TRAPPC9: variants seen among roughly 807,000 people sequenced by gnomAD.
TRAPPC9 encodes the protein trafficking protein particle complex subunit 9.
In TRAPPC9, 83 loss-of-function variants were observed where a neutral mutation model predicts 124.0. The ratio of observed to expected loss-of-function variants is 0.67; its 90% confidence interval spans 0.56 to 0.80. The LOEUF is 0.80. Ranked by LOEUF, TRAPPC9 falls within the 30% of genes least tolerant of loss-of-function variation. The pLI is 0.00. For missense variants in TRAPPC9, 1,302 were observed against 1,508.3 expected, an observed-to-expected ratio of 0.86 and a Z score of 2.27; for synonymous variants, 638 against 617.5, an observed-to-expected ratio of 1.03 and a Z score of -0.49.
intron 19 of TRAPPC9, among the ~76,000 whole-genome samples, chr8:139,916,051 G>A (rs1832108887): frequency 6.6e-6 from 1 of 152,174 alleles, no homozygotes; most frequent in Non-Finnish European, 1.5e-5. Context: ...CAGGACTTCA[G>A]GGGAGCTTAT....
chr8:140,410,247 T>C (rs1028971416), intron 5 of TRAPPC9, among the ~76,000 whole-genome samples: 7 of 151,926 alleles, frequency 4.6e-5, no homozygotes, highest in African/African-American at 1.4e-4. Context: ...ACATTTTATA[T>C]AGATTTGACC....
intron 21 of TRAPPC9, among the ~76,000 whole-genome samples, chr8:139,817,343 C>T (rs1243269682): frequency 6.6e-6 from 1 of 152,190 alleles, no homozygotes; most frequent in Non-Finnish European, 1.5e-5. Flanking sequence ...TTTTTGAGGA[C>T]AGAATCTTAG....
chr8:140,156,482 ATTTT>A (rs1213529426), intron 17 of TRAPPC9, among the ~76,000 whole-genome samples: 1 of 152,232 alleles, frequency 6.6e-6, no homozygotes, highest in Admixed American at 6.5e-5. Flanking sequence ...CTAACAAATT[ATTTT>A]TTAATTACAT....
At chr8:139,921,305 G>A (rs1381549303) in intron 19 of TRAPPC9, among the ~76,000 whole-genome samples, 1 of 152,226 alleles carries the variant, frequency 6.6e-6, no homozygotes, top group African/African-American at 2.4e-5. Context: ...AATCACACTG[G>A]GTTTGGTTCA....
chr8:140,407,095 G>A (rs569659473), intron 5 of TRAPPC9, among the ~76,000 whole-genome samples: 12 of 152,160 alleles, frequency 7.9e-5, no homozygotes, highest in Non-Finnish European at 1.6e-4. Context: ...ACATCCACAC[G>A]TGTCATCATC....
intron 21 of TRAPPC9, among the ~76,000 whole-genome samples, chr8:139,792,262 C>T (rs1157343256): frequency 6.6e-6 from 1 of 152,076 alleles, no homozygotes; most frequent in Non-Finnish European, 1.5e-5. Flanking sequence ...GGGACCTCTC[C>T]ATCTCAGGAG....
intron 21 of TRAPPC9, among the ~76,000 whole-genome samples, chr8:139,735,980 G>A (rs894300537): frequency 5.3e-5 from 8 of 152,360 alleles, no homozygotes; most frequent in African/African-American, 1.9e-4. Context: ...CGGAGCAGGA[G>A]GCCAGGCTGC....
intron 19 of TRAPPC9, among the ~76,000 whole-genome samples, chr8:139,920,594 C>T (rs1362448387): frequency 6.6e-6 from 1 of 152,228 alleles, no homozygotes; most frequent in Non-Finnish European, 1.5e-5. Context: ...CAACAGGGCT[C>T]ACTCCCTCCT....
At chr8:139,784,305 G>A (rs544512077) in intron 21 of TRAPPC9, among the ~76,000 whole-genome samples, 1 of 152,236 alleles carries the variant, frequency 6.6e-6, no homozygotes, top group Non-Finnish European at 1.5e-5. Context: ...CCAGCGCAGT[G>A]GCTCACGCCT....
At chr8:140,376,733 G>A (rs1371410973) in intron 7 of TRAPPC9, among the ~76,000 whole-genome samples, 4 of 151,250 alleles carry the variant, frequency 2.6e-5, no homozygotes, top group Admixed American at 6.6e-5. Context: ...AAAATTAGCC[G>A]GGCGTGATGG....
intron 20 of TRAPPC9, chr8:139,908,569 C>T (rs1831508632): frequency 6.6e-6 from 1 of 152,300 alleles, no homozygotes; most frequent in South Asian, 2.1e-4. Context: ...GGAGCCTTCT[C>T]CTTTGAAGCC....
At position 140,144,464 on chromosome 8, in the gene TRAPPC9, T is replaced by TTTCA. The variant is rs67174670; in HGVS notation, c.2556+76991_2556+76994dup. Among the ~76,000 whole-genome samples the TTTCA allele has an allele frequency of 3.8e-3, 565 of 150,506 alleles. 2 individuals carry two copies. Among genetic ancestry groups the TTTCA allele is most frequent in the South Asian group, 0.013 (62 of 4,718 alleles). On this transcript the variant is annotated intron_variant, in intron 17 of 22. Transcript: ENST00000438773. ...GGCTAATGAATGAGACTATTTTTCT[T>TTTCA]TTCATTCATTCATTCATTCATTCAT...
intron 17 of TRAPPC9, among the ~76,000 whole-genome samples, chr8:140,070,109 T>C (rs1456665133): frequency 6.6e-6 from 1 of 152,232 alleles, no homozygotes; most frequent in Non-Finnish European, 1.5e-5. Flanking sequence ...GGCAACGCGT[T>C]ACCAGTTCTC....
chr8:140,451,992 G>C (rs566817338), intron 1 of TRAPPC9, among the ~76,000 whole-genome samples: 201 of 152,046 alleles, frequency 1.3e-3, no homozygotes, highest in Middle Eastern at 6.8e-3. Context: ...GTGGTGGCAC[G>C]TGCCTGTAAT....
At chr8:139,938,937 G>A (rs1020408058) in intron 19 of TRAPPC9, among the ~76,000 whole-genome samples, 10 of 152,330 alleles carry the variant, frequency 6.6e-5, no homozygotes, top group South Asian at 4.1e-4. Flanking sequence ...GAGCCACCGC[G>A]CCCGGCCCCG....
chr8:140,119,758 C>T (rs901635903), intron 17 of TRAPPC9, among the ~76,000 whole-genome samples: 3 of 152,208 alleles, frequency 2.0e-5, no homozygotes, highest in Non-Finnish European at 4.4e-5. Flanking sequence ...CCAAATTATT[C>T]TACCTCATAC....
chr8:139,729,199 A>G lies in TRAPPC9; in HGVS notation c.*1862T>C, dbSNP rs1817687442. Among the ~76,000 whole-genome samples, 1 of 152,220 alleles carries G rather than the reference A, an allele frequency of 6.6e-6. No individual in the cohort carries two copies. The highest frequency in any genetic ancestry group is 1.5e-5 in the Non-Finnish European group (1 of 68,036). On this transcript the variant is annotated 3_prime_UTR_variant, in exon 23 of 23. Coordinates refer to ENST00000438773, the MANE Select transcript of TRAPPC9 (RefSeq NM_001160372.4). ...TGTGTATCCTTTCTACCTTTTAAACATGTTGTTATAGACACGTTCTGAGGC... is the reference window on the plus strand; with the variant it reads ...TGTGTATCCTTTCTACCTTTTAAACGTGTTGTTATAGACACGTTCTGAGGC...
rs2062893332 is a variant in TRAPPC9, at chr8:140,205,242, AG to A, written c.2556+16216del. ...TTCACAAGATACAAAGATTACCAAAAGCATGGATAAGTCATTTGACAAAGCA... is the reference window on the plus strand; with the variant it reads ...TTCACAAGATACAAAGATTACCAAAACATGGATAAGTCATTTGACAAAGCA... On this transcript the variant is annotated intron_variant, in intron 17 of 22. Transcript: ENST00000438773. Among the ~76,000 whole-genome samples, 4 of 152,388 alleles carry A rather than the reference AG, an allele frequency of 2.6e-5. No homozygotes were observed. The South Asian group carries it at 8.3e-4, about 32-fold the overall frequency.
At chr8:140,361,706 T>C (rs1047652842) in intron 8 of TRAPPC9, among the ~76,000 whole-genome samples, 1 of 152,116 alleles carries the variant, frequency 6.6e-6, no homozygotes, top group Non-Finnish European at 1.5e-5. Context: ...TAAATCCCTA[T>C]TGAGATTATT....
Sources: gnomAD v4.1 joint callset for allele counts (sites outside exome capture counted in the v4.1 genomes callset) on GRCh38, gnomAD v4.1.1 for gene constraint, MANE v1.5 for transcripts, NCBI Gene and HGNC (gene_info 2026-07-23, HGNC 2026-07-21) for gene names.